The following USP31 variants were observed in gnomAD, a reference collection of about 807,000 sequenced individuals.
The protein encoded by USP31 is ubiquitin specific peptidase 31, also known as ubiquitin carboxyl-terminal hydrolase 31.
A neutral mutation model predicts 119.4 loss-of-function variants in USP31; 44 were observed. The ratio of observed to expected loss-of-function variants is 0.37; its 90% CI spans 0.29 to 0.47. The LOEUF (loss-of-function observed/expected upper bound fraction) is 0.47. Ranked by LOEUF, USP31 falls within the 20% of genes least tolerant of loss-of-function variation. The pLI is 0.99. For synonymous variants in USP31, 749 were observed against 705.6 expected (o/e 1.06, Z -0.97); for missense variants, 1,643 against 1,730.2 (o/e 0.95, Z 0.89).
chr16:23,112,530 G>A (rs567933389), intron 1 of USP31, among the ~76,000 whole-genome samples: 6 of 151,764 alleles, frequency 4.0e-5, no homozygotes, highest in South Asian at 4.2e-4. Context: ...AGCTGAGAAC[G>A]CGCCATTGCA....
chr16:23,109,024 C>T (rs1449670162), intron 1 of USP31, among the ~76,000 whole-genome samples: 2 of 152,068 alleles, frequency 1.3e-5, no homozygotes, highest in Non-Finnish European at 2.9e-5. Flanking sequence ...GTGATGGATG[C>T]CAAGTTTCTC....
At chr16:23,131,235 A>C (rs1481548988) in intron 1 of USP31, among the ~76,000 whole-genome samples, 1 of 152,206 alleles carries the variant, frequency 6.6e-6, no homozygotes, top group East Asian at 1.9e-4. Flanking sequence ...CCTGCAATTC[A>C]AGGCTGCAGT....
chr16:23,065,580 C>T lies in USP31; in HGVS notation c.*2466G>A, dbSNP rs1900033328. On this transcript the variant is annotated 3_prime_UTR_variant, in exon 16 of 16. Coordinates refer to ENST00000219689, the MANE Select transcript of USP31 (RefSeq NM_020718.4). ...ATGTCTAGACAATGCCATGATACTT[C>T]CTGATTTTTTCTATTAAACCTGAAA... 6.6e-6 allele frequency: 1 copy of T among 152,530 alleles called. No individual in the cohort carries two copies. Among genetic ancestry groups the T allele is most frequent in the African/African-American group, 2.4e-5 (1 of 41,428 alleles). 9.4% of individuals were successfully genotyped at this position (152,530 alleles called of 1,614,324 possible). A position where few individuals can be genotyped will look rare whatever the true frequency, so the allele number is the denominator to read the frequency against.
chr16:23,120,547 G>C (rs1293238691), intron 1 of USP31, among the ~76,000 whole-genome samples: 5 of 152,210 alleles, frequency 3.3e-5, no homozygotes, highest in Admixed American at 6.5e-5. Flanking sequence ...AAAAATTAGA[G>C]AGAGAAAAAG....
At position 23,062,374 on chromosome 16, in the gene USP31, T is replaced by G. The variant is rs1899872101; in HGVS notation, c.*5672A>C. ...ACGAAAAAATAGCAATAAGGGTTTTTTTTTTTTAAAAAAAAGACACCAAAG... is the reference window on the plus strand; with the variant it reads ...ACGAAAAAATAGCAATAAGGGTTTTGTTTTTTTAAAAAAAAGACACCAAAG... On this transcript the variant is annotated 3_prime_UTR_variant, in exon 16 of 16. Coordinates refer to ENST00000219689, the MANE Select transcript of USP31 (RefSeq NM_020718.4). The G allele has an allele frequency of 7.2e-6, 1 of 138,790 alleles. No homozygotes were observed. Among genetic ancestry groups the G allele is most frequent in the Non-Finnish European group, 1.6e-5 (1 of 61,462 alleles). The allele number at this position is 138,790 out of a possible 1,614,324, so 8.6% of individuals were successfully genotyped here. A position where few individuals can be genotyped will look rare whatever the true frequency, so the allele number is the denominator to read the frequency against.
At chr16:23,075,277 G>A (rs959100064) in intron 13 of USP31, among the ~76,000 whole-genome samples, 2 of 152,182 alleles carry the variant, frequency 1.3e-5, no homozygotes, top group Admixed American at 1.3e-4. Context: ...CCCAGCTGGG[G>A]AGTAGCTGCT....
At chr16:23,115,775 G>A in intron 1 of USP31, 1 of 982,890 alleles carries the variant, frequency 1.0e-6, no homozygotes, top group Non-Finnish European at 1.2e-6. Context: ...GGGTTTTCAA[G>A]TTTCACAAAA....
At position 23,149,386 on chromosome 16, in the gene USP31, A is replaced by C. The variant is rs1903655075; in HGVS notation, c.-116T>G. 1.0e-6 allele frequency: 1 copy of C among 978,994 alleles called. No homozygotes were observed. The highest frequency in any genetic ancestry group is 1.2e-6 in the Non-Finnish European group (1 of 826,428). 60.6% of individuals were successfully genotyped at this position (978,994 alleles called of 1,614,324 possible). A position where few individuals can be genotyped will look rare whatever the true frequency, so the allele number is the denominator to read the frequency against. On this transcript the variant is annotated 5_prime_UTR_variant, in exon 1 of 16. Coordinates refer to ENST00000219689, the MANE Select transcript of USP31 (RefSeq NM_020718.4). Reference sequence around the variant, plus strand: ...ACCGGGCCCGGGGGCTCGACGCCCCACACACCTCAAAGCGCAGCCGAGCCA... The same window carrying C: ...ACCGGGCCCGGGGGCTCGACGCCCCCCACACCTCAAAGCGCAGCCGAGCCA...
intron 11 of USP31, among the ~76,000 whole-genome samples, chr16:23,083,343 G>A (rs1040113583): frequency 6.6e-6 from 1 of 151,946 alleles, no homozygotes; most frequent in Non-Finnish European, 1.5e-5. Flanking sequence ...TTATTTACTT[G>A]TTCCACTAGA....
chr16:23,088,592 T>C (rs1901217941), intron 7 of USP31, among the ~76,000 whole-genome samples: 1 of 152,144 alleles, frequency 6.6e-6, no homozygotes, highest in East Asian at 1.9e-4. Context: ...CATCCATGTC[T>C]TTTTGTCAGG....
intron 1 of USP31, among the ~76,000 whole-genome samples, chr16:23,121,139 G>A (rs1277336801): frequency 6.6e-6 from 1 of 152,144 alleles, no homozygotes; most frequent in African/African-American, 2.4e-5. Context: ...TTATTCATAA[G>A]CAGATCCAGC....
chr16:23,069,968 G>A (rs1471276920), intron 15 of USP31, among the ~76,000 whole-genome samples: 2 of 152,232 alleles, frequency 1.3e-5, no homozygotes, highest in Admixed American at 1.3e-4. Flanking sequence ...CTGCATGAAA[G>A]CAGCCACAGG....
In USP31 at chr16:23,102,399, T is replaced by C. The variant is rs199860842; in HGVS notation, c.1154A>G (p.Glu385Gly). Residue 385 changes from glutamate to glycine, a missense_variant, in exon 6 of 16, where the codon GAA becomes GGA. Glu to Gly is a moderately conservative substitution (Grantham distance 98). Coordinates refer to ENST00000219689, the MANE Select transcript of USP31 (RefSeq NM_020718.4). ...AATGCAGTCGCTTTCATGGACTGTT[T>C]CCAGGTCGTCTGTATCACAAAAGGA... ...HRSFCDTDDL[E>G]TVHESDCIFA... 104 of 1,613,860 alleles carry C rather than the reference T, an allele frequency of 6.4e-5. No homozygotes were observed. Among genetic ancestry groups the C allele is most frequent in the Non-Finnish European group, 7.6e-5 (90 of 1,179,904 alleles).
At position 23,069,200 on chromosome 16, in the gene USP31, G is replaced by A. The variant is rs1243304205; in HGVS notation, c.2905C>T (p.His969Tyr). 2 of 1,614,086 alleles carry A rather than the reference G, an allele frequency of 1.2e-6. No individual in the cohort carries two copies. The highest frequency in any genetic ancestry group is 1.7e-6 in the Non-Finnish European group (2 of 1,180,046). Residue 969 changes from histidine (H) to tyrosine (Y), a missense_variant, in exon 16 of 16, where the codon CAT (histidine) becomes TAT (tyrosine). Around this residue, in one of 5 missense-constraint regions of USP31, gnomAD observed 699 missense variants for 650.9 expected, o/e 1.07. Transcript: ENST00000219689. ...GGCAGGCGGTCCCCTTGTGCTGAATGTTTGCTCTGTGTATCTACGACACTG... is the reference window on the plus strand; with the variant it reads ...GGCAGGCGGTCCCCTTGTGCTGAATATTTGCTCTGTGTATCTACGACACTG... ...NSSVVDTQSK[H>Y]SAQGDRLPPL...
chr16:23,070,288 C>T (rs958671537), intron 15 of USP31, among the ~76,000 whole-genome samples: 2 of 152,190 alleles, frequency 1.3e-5, no homozygotes, highest in Admixed American at 1.3e-4. Context: ...AGAACCCCTT[C>T]CCGCACCACT....
At chr16:23,077,962 A>G (rs1332903565) in intron 13 of USP31, among the ~76,000 whole-genome samples, 1 of 152,210 alleles carries the variant, frequency 6.6e-6, no homozygotes, top group Non-Finnish European at 1.5e-5. Flanking sequence ...ATGTTCAGCA[A>G]TGGGGAAGGG....
At chr16:23,101,453 A>G (rs1285126695) in intron 6 of USP31, among the ~76,000 whole-genome samples, 2 of 152,192 alleles carry the variant, frequency 1.3e-5, no homozygotes, top group Admixed American at 1.3e-4. Flanking sequence ...AACTGGAATC[A>G]AAAGAAAAGT....
intron 7 of USP31, among the ~76,000 whole-genome samples, chr16:23,089,930 C>T (rs938703617): frequency 7.9e-5 from 12 of 152,026 alleles, no homozygotes; most frequent in African/African-American, 2.7e-4. Context: ...GACATAAGTT[C>T]AATTTGGGAC....
At chr16:23,134,089 TCACACACACACACACA>T (rs10557354) in intron 1 of USP31, among the ~76,000 whole-genome samples, 1 of 146,334 alleles carries the variant, frequency 6.8e-6, no homozygotes, top group Non-Finnish European at 1.5e-5. Flanking sequence ...TCTCTCTCTC[TCACACACACACACACA>T]CACACACACA....
Sources: gnomAD v4.1 joint callset for allele counts (sites outside exome capture counted in the v4.1 genomes callset) on GRCh38, gnomAD v4.1.1 for gene constraint, gnomAD v4.1.1 regional missense constraint, MANE v1.5 for transcripts, NCBI Gene and HGNC (gene_info 2026-07-23, HGNC 2026-07-21) for gene names.